SLC2A9: variants seen among roughly 807,000 people sequenced by gnomAD.
The protein encoded by SLC2A9 is solute carrier family 2 member 9, also known as solute carrier family 2, facilitated glucose transporter member 9.
In SLC2A9, 39 loss-of-function variants were observed where a neutral mutation model predicts 50.6. The observed-to-expected ratio is 0.77, with a 90% CI of 0.60 to 1.01. SLC2A9 has a LOEUF of 1.01. Ranked by LOEUF, SLC2A9 falls within the 50% of genes least tolerant of loss-of-function variation. The pLI, the probability that SLC2A9 is intolerant of heterozygous loss-of-function variation, is 0.00. For synonymous variants in SLC2A9, 324 were observed against 276.9 expected (o/e 1.17, Z -1.69); for missense variants, 686 against 677.6 (o/e 1.01, Z -0.14).
intron 3 of SLC2A9, chr4:9,782,485 G>A (rs753351371): frequency 1.2e-6 from 2 of 1,613,990 alleles, no homozygotes; most frequent in East Asian, 4.5e-5. Context: ...AGCGCAAGAT[G>A]ACTCAGCGCA....
intron 10 of SLC2A9, among the ~76,000 whole-genome samples, chr4:9,881,540 A>C (rs889421823): frequency 2.6e-5 from 4 of 152,182 alleles, no homozygotes; most frequent in Admixed American, 6.5e-5. Context: ...TTAAAATAAA[A>C]AGTTAGAAAG....
chr4:9,883,959 C>CT lies in SLC2A9; in HGVS notation c.1291+3607dup, dbSNP rs550679005. Among the ~76,000 whole-genome samples the CT allele has an allele frequency of 2.2e-3, 341 of 152,326 alleles. 2 individuals carry two copies. In the Middle Eastern group the frequency reaches 0.024, roughly 11 times the overall value. On this transcript the variant is annotated intron_variant, in intron 10 of 11. Transcript: ENST00000264784. ...GAGGGTGTTACCCCAGGTCAGGGCT[C>CT]TTAAGAAGCTTTCTGCACAGTCTTT...
intron 6 of SLC2A9, among the ~76,000 whole-genome samples, chr4:9,927,190 TG>T (rs1745067694): frequency 2.6e-5 from 1 of 38,682 alleles, no homozygotes; most frequent in Non-Finnish European, 5.0e-5. Context: ...CCACCACGCC[TG>T]TATTTAGTAG....
At chr4:9,913,303 TTGTGTGTGTGTG>T (rs59023239) in intron 7 of SLC2A9, among the ~76,000 whole-genome samples, 3 of 142,228 alleles carry the variant, frequency 2.1e-5, no homozygotes, top group East Asian at 2.1e-4. Context: ...TCCTGTGTGT[TTGTGTGTGTGTG>T]TGTGTGTGTG....
chr4:9,896,532 T>C (rs1477184733), intron 8 of SLC2A9, among the ~76,000 whole-genome samples: 1 of 152,238 alleles, frequency 6.6e-6, no homozygotes, highest in Non-Finnish European at 1.5e-5. Flanking sequence ...TATAGGTATG[T>C]TCTCCATGTC....
intron 2 of SLC2A9, among the ~76,000 whole-genome samples, chr4:9,997,762 A>C (rs1264105014): frequency 6.7e-6 from 1 of 148,392 alleles, no homozygotes; most frequent in Non-Finnish European, 1.5e-5. Flanking sequence ...CAACACACAC[A>C]AAAAAACTAG....
chr4:9,949,983 G>A (rs1341898205), intron 5 of SLC2A9, among the ~76,000 whole-genome samples: 1 of 152,048 alleles, frequency 6.6e-6, no homozygotes, highest in African/African-American at 2.4e-5. Flanking sequence ...CCCAACAACT[G>A]CCTCCTGGGA....
At chr4:9,937,593 C>T (rs1433419351) in intron 6 of SLC2A9, among the ~76,000 whole-genome samples, 1 of 152,170 alleles carries the variant, frequency 6.6e-6, no homozygotes, top group African/African-American at 2.4e-5. Context: ...CCCCACCTCC[C>T]TCTGCCCAGC....
At chr4:9,823,411 T>C (rs924166979), downstream of SLC2A9, among the ~76,000 whole-genome samples, 1 of 152,210 alleles carries the variant, frequency 6.6e-6, no homozygotes, top group African/African-American at 2.4e-5. Flanking sequence ...CCCCATTATA[T>C]TTGGGTATCT....
intron 8 of SLC2A9, among the ~76,000 whole-genome samples, chr4:9,907,723 A>T (rs1740942634): frequency 1.3e-5 from 2 of 152,204 alleles, no homozygotes; most frequent in African/African-American, 4.8e-5. Context: ...ACTAGGTGAG[A>T]ATTCAAAGGA....
chr4:10,033,793 T>A (rs556300839), intron 1 of SLC2A9, among the ~76,000 whole-genome samples: 2 of 152,276 alleles, frequency 1.3e-5, no homozygotes, highest in East Asian at 3.9e-4. Context: ...GCTGTGCTCG[T>A]GGGTTGTCAT....
chr4:9,779,563 C>T (rs533010654), downstream of SLC2A9, among the ~76,000 whole-genome samples: 43 of 151,940 alleles, frequency 2.8e-4, no homozygotes, highest in Admixed American at 1.8e-3. Flanking sequence ...TACAGGCGCC[C>T]GCCACCATGC....
chr4:9,910,174 T>C (rs1741456927), intron 7 of SLC2A9, among the ~76,000 whole-genome samples: 1 of 152,106 alleles, frequency 6.6e-6, no homozygotes, highest in South Asian at 2.1e-4. Context: ...CAAAAACAGG[T>C]TTTAATATTC....
intron 5 of SLC2A9, among the ~76,000 whole-genome samples, chr4:9,972,956 GA>G (rs1232632052): frequency 2.0e-5 from 3 of 152,034 alleles, no homozygotes; most frequent in Non-Finnish European, 4.4e-5. Context: ...AATCAGAACA[GA>G]ACAGAACAAA....
chr4:9,931,954 CTCTCTCTCTATATATATATATATA>C (rs1746113756), intron 6 of SLC2A9, among the ~76,000 whole-genome samples: 1 of 50,582 alleles, frequency 2.0e-5, no homozygotes, highest in South Asian at 9.1e-4. Context: ...CTCTCTCTCT[CTCTCTCTCTATATATATATATATA>C]TATATATATA....
chr4:10,021,456 C>A lies in SLC2A9; in HGVS notation c.-27G>T, dbSNP rs1560504137. 1 of 1,613,816 alleles carries A rather than the reference C, an allele frequency of 6.2e-7. No individual in the cohort carries two copies. ...GGTCTCAGTGACCCAGCTGATGGCTCAGTCCAGGGACCCCAGACTCTGCCA... is the reference window on the plus strand; with the variant it reads ...GGTCTCAGTGACCCAGCTGATGGCTAAGTCCAGGGACCCCAGACTCTGCCA... On this transcript the variant is annotated 5_prime_UTR_variant, in exon 1 of 12. The change abolishes the stop of an existing upstream ORF in the 5' untranslated region. Coordinates refer to ENST00000264784, the MANE Select transcript of SLC2A9 (RefSeq NM_020041.3).
chr4:9,926,057 G>A (rs768818780), intron 6 of SLC2A9, among the ~76,000 whole-genome samples: 7 of 152,018 alleles, frequency 4.6e-5, no homozygotes, highest in South Asian at 2.1e-4. Context: ...AGAGAGCCAC[G>A]CTGTTAGCAC....
At chr4:9,879,788 G>A in intron 10 of SLC2A9, 1 of 985,386 alleles carries the variant, frequency 1.0e-6, no homozygotes, top group Non-Finnish European at 1.2e-6. Context: ...GACACATTTT[G>A]GCAACGATCT....
Position 9,887,639 on chromosome 4 carries a change from G to C in SLC2A9, c.1219C>G (p.His407Asp). 1 of 1,533,228 alleles carries C rather than the reference G, an allele frequency of 6.5e-7. No individual in the cohort carries two copies. The highest frequency in any genetic ancestry group is 2.4e-5 in the East Asian group (1 of 40,832). The allele number at this position is 1,533,228 out of a possible 1,614,324, so 95.0% of individuals were successfully genotyped here. The change falls in exon 10 of 12, where the codon CAC (histidine) becomes GAC (aspartate). Residue 407 changes from histidine to aspartate, a missense_variant. Physicochemically the swap from His to Asp is moderately conservative, Grantham distance 81. Transcript: ENST00000264784. ...TLTITLTLQD[H>D]APWVPYLSIV... Reference sequence around the variant, plus strand: ...CTCAGGTAGGGGACCCAGGGGGCGTGGTCCTGGGAGAGAACAGGGAGTGGT... The same window carrying C: ...CTCAGGTAGGGGACCCAGGGGGCGTCGTCCTGGGAGAGAACAGGGAGTGGT...
Sources: allele counts gnomAD v4.1 joint callset (sites outside exome capture counted in the v4.1 genomes callset), GRCh38; gene constraint gnomAD v4.1.1; transcripts MANE v1.5; gene names NCBI Gene and HGNC (gene_info 2026-07-23, HGNC 2026-07-21).